Variants in ULK4 observed in about 807,000 individuals in gnomAD.
ULK4 encodes inactive serine/threonine-protein kinase ULK4.
ULK4 carries 133 observed loss-of-function variants against 160.6 expected under a neutral mutation model. The observed-to-expected ratio is 0.83, with a 90% CI of 0.72 to 0.96. ULK4 has a LOEUF of 0.96. Among genes scored for constraint, ULK4 ranks in the 40% least tolerant of loss-of-function variants. The pLI, the probability that ULK4 is intolerant of heterozygous loss-of-function variation, is 0.00. For missense variants in ULK4, 1,580 were observed against 1,499.5 expected (o/e 1.05, Z -0.89); for synonymous variants, 534 against 539.8 (o/e 0.99, Z 0.15).
Position 41,939,007 on chromosome 3 carries a change from G to A in ULK4, c.139-810C>T, listed in dbSNP as rs116106397. 8.4e-3 allele frequency among the ~76,000 whole-genome samples: 1,274 copies of A among 152,066 alleles called. 7 individuals carry two copies. The highest frequency in any genetic ancestry group is 0.01 in the African/African-American group (429 of 41,448). On this transcript the variant is annotated intron_variant, in intron 2 of 36. Coordinates refer to ENST00000301831, the MANE Select transcript of ULK4 (RefSeq NM_017886.4). The stretch of plus-strand genomic sequence containing the variant: ...TTGTATTATCAACTGACAAAATATC[G>A]TCAACATTAAAATGTATACTTAATT...
chr3:41,569,905 T>C (rs550946463), intron 31 of ULK4, among the ~76,000 whole-genome samples: 2 of 152,200 alleles, frequency 1.3e-5, no homozygotes, highest in Non-Finnish European at 2.9e-5. Flanking sequence ...GTGATGAAAA[T>C]GACACTTGCT....
chr3:41,692,258 C>A (rs2036331119), intron 27 of ULK4, among the ~76,000 whole-genome samples: 1 of 148,360 alleles, frequency 6.7e-6, no homozygotes, highest in African/African-American at 2.4e-5. Context: ...CCCATTAAAT[C>A]ACTTCTAATT....
At chr3:41,789,866 C>T (rs771262612) in intron 20 of ULK4, 23 bp from the exon 21 acceptor site, 17 of 1,549,950 alleles carry the variant, frequency 1.1e-5, no homozygotes, top group African/African-American at 1.4e-5. Context: ...GAGAACAGAC[C>T]TGTCAGGCAA....
At chr3:41,832,368 G>A (rs920235400) in intron 18 of ULK4, among the ~76,000 whole-genome samples, 12 of 152,026 alleles carry the variant, frequency 7.9e-5, no homozygotes, top group African/African-American at 2.7e-4. Context: ...CATATCCTTT[G>A]CCCACGTTTT....
chr3:41,495,899 G>GA lies in ULK4; in HGVS notation c.3227-32647dup, dbSNP rs563506166. Among the ~76,000 whole-genome samples the GA allele has an allele frequency of 2.6e-5, 4 of 151,504 alleles. 1 individual carries two copies. Among genetic ancestry groups the GA allele is most frequent in the South Asian group, 4.2e-4 (2 of 4,794 alleles). On this transcript the variant is annotated intron_variant, in intron 32 of 36. Transcript: ENST00000301831. ...ATGAGATACCATCTCACACCAGTTA[G>GA]AAAAAAAAGAACTTTTAAAACTTTG...
intron 32 of ULK4, among the ~76,000 whole-genome samples, chr3:41,541,040 C>G (rs1477130781): frequency 6.6e-6 from 1 of 152,144 alleles, no homozygotes; most frequent in Non-Finnish European, 1.5e-5. Flanking sequence ...TTAATTACAT[C>G]CCATTTGTCA....
intron 30 of ULK4, among the ~76,000 whole-genome samples, chr3:41,638,478 T>C (rs1024773578): frequency 6.6e-6 from 1 of 152,204 alleles, no homozygotes; most frequent in Admixed American, 6.5e-5. Context: ...CACCGAGGCA[T>C]TGGCATCACT....
At chr3:41,359,269 G>A (rs1446329431) in intron 35 of ULK4, among the ~76,000 whole-genome samples, 1 of 152,256 alleles carries the variant, frequency 6.6e-6, no homozygotes. Flanking sequence ...TCAGACTCGA[G>A]TTCAGGCTCT....
chr3:41,305,913 C>A (rs371103910), intron 35 of ULK4, among the ~76,000 whole-genome samples: 38,866 of 142,152 alleles, frequency 0.27, 5,157 homozygotes, highest in Non-Finnish European at 0.31. Context: ...CCGGCTGCGA[C>A]CCCGTCTGGG....
At chr3:41,296,152 C>A (rs2079663399) in intron 35 of ULK4, among the ~76,000 whole-genome samples, 1 of 152,144 alleles carries the variant, frequency 6.6e-6, no homozygotes. Context: ...TCGACTGTGA[C>A]AAATATACTG....
In ULK4 at chr3:41,453,256, G is replaced by A. The variant is rs573630219; in HGVS notation, c.3492+2241C>T. On this transcript the variant is annotated intron_variant, in intron 34 of 36. Transcript: ENST00000301831. Reference sequence around the variant, plus strand: ...AGTGGTGTCATCATTGCTGGCTGCCGCCTCACACTCCTGGGCTCAAGCAAT... The same window carrying A: ...AGTGGTGTCATCATTGCTGGCTGCCACCTCACACTCCTGGGCTCAAGCAAT... 6.6e-5 allele frequency among the ~76,000 whole-genome samples: 10 copies of A among 152,126 alleles called. No individual in the cohort carries two copies. In the East Asian group the frequency reaches 9.7e-4, roughly 15 times the overall value.
At chr3:41,270,445 C>A (rs2079121416) in intron 35 of ULK4, among the ~76,000 whole-genome samples, 1 of 152,180 alleles carries the variant, frequency 6.6e-6, no homozygotes. Flanking sequence ...AGTCACGAAG[C>A]AGAAACAAAG....
At chr3:41,399,915 T>C (rs2082143998) in intron 34 of ULK4, among the ~76,000 whole-genome samples, 1 of 152,204 alleles carries the variant, frequency 6.6e-6, no homozygotes, top group Non-Finnish European at 1.5e-5. Context: ...ACGCCCATGT[T>C]TTCTTCTAAG....
chr3:41,431,957 T>A (rs1475676786), intron 34 of ULK4, among the ~76,000 whole-genome samples: 4 of 151,820 alleles, frequency 2.6e-5, no homozygotes, highest in Non-Finnish European at 4.4e-5. Context: ...GCCCGGCTAA[T>A]TTTTATGTAT....
chr3:41,410,414 CA>C (rs769512180), intron 34 of ULK4, among the ~76,000 whole-genome samples: 30 of 151,608 alleles, frequency 2.0e-4, no homozygotes, highest in Non-Finnish European at 3.8e-4. Context: ...GCTAAGAGAA[CA>C]AAAAAATCAA....
At chr3:41,692,746 C>T (rs1484086200) in intron 27 of ULK4, among the ~76,000 whole-genome samples, 2 of 152,110 alleles carry the variant, frequency 1.3e-5, no homozygotes, top group Non-Finnish European at 2.9e-5. Flanking sequence ...TGCTAAAGTT[C>T]ATTTGACAAT....
At chr3:41,829,697 G>A (rs1374611321) in intron 18 of ULK4, among the ~76,000 whole-genome samples, 1 of 152,046 alleles carries the variant, frequency 6.6e-6, no homozygotes, top group Non-Finnish European at 1.5e-5. Flanking sequence ...CAGTGTTGGT[G>A]GGACTGTAAA....
At chr3:41,669,447 A>C (rs2035457857) in intron 29 of ULK4, among the ~76,000 whole-genome samples, 1 of 152,138 alleles carries the variant, frequency 6.6e-6, no homozygotes. Flanking sequence ...TTGTAGAGAC[A>C]AGGTCTCACT....
At chr3:41,508,031 T>G (rs1274073985) in intron 32 of ULK4, among the ~76,000 whole-genome samples, 1 of 152,164 alleles carries the variant, frequency 6.6e-6, no homozygotes, top group Non-Finnish European at 1.5e-5. Context: ...AGGCTGGTGG[T>G]CCAGGGCAAG....
Sources: allele counts gnomAD v4.1 joint callset (sites outside exome capture counted in the v4.1 genomes callset), GRCh38; gene constraint gnomAD v4.1.1; transcripts MANE v1.5; gene names NCBI Gene and HGNC (gene_info 2026-07-23, HGNC 2026-07-21).